BTBD9: variants seen among roughly 807,000 people sequenced by gnomAD.
The protein encoded by BTBD9 is BTB domain containing 9.
BTBD9 carries 49 observed loss-of-function variants against 64.3 expected under a neutral mutation model. That is an observed-to-expected ratio of 0.76 (90% confidence interval 0.61 to 0.97). The LOEUF is 0.97. BTBD9 is among the 50% of genes least tolerant of loss of function. The pLI is 0.00. For missense variants in BTBD9, 598 were observed against 762.1 expected, an observed-to-expected ratio of 0.78 and a Z score of 2.53; for synonymous variants, 260 against 274.7, an observed-to-expected ratio of 0.95 and a Z score of 0.53.
At chr6:38,633,773 A>T (rs1260967218) in intron 1 of BTBD9, among the ~76,000 whole-genome samples, 2 of 152,010 alleles carry the variant, frequency 1.3e-5, no homozygotes, top group Non-Finnish European at 2.9e-5. Context: ...CTCCTCTATC[A>T]AATTACAAAT....
In BTBD9 at chr6:38,256,436, A is replaced by G. The variant is rs866325807; in HGVS notation, c.1535T>C (p.Val512Ala). The G allele has an allele frequency of 6.2e-7, 1 of 1,613,862 alleles. No individual in the cohort carries two copies. The highest frequency in any genetic ancestry group is 1.7e-5 in the Admixed American group (1 of 60,010). ...VSTNQQQWTM[V>A]ADRTKVSCKS... ...GCAGGAGACTTTAGTTCTGTCAGCA[A>G]CCATGGTCCACTGTTGCTGGTTGGT... Residue 512 changes from valine to alanine, a missense_variant, in exon 9 of 11, where the codon GTT (valine) becomes GCT (alanine). Physicochemically the swap from Val to Ala is moderately conservative, Grantham distance 64. Transcript: ENST00000481247.
intron 6 of BTBD9, among the ~76,000 whole-genome samples, chr6:38,455,513 GTATGTAGCCTTTTGAATCT>G (rs1368201006): frequency 1.3e-5 from 2 of 152,154 alleles, no homozygotes; most frequent in Admixed American, 6.6e-5. Context: ...GAATCATACA[GTATGTAGCCTTTTGAATCT>G]TGCTTTTTTC....
At chr6:38,508,899 C>T (rs536862496) in intron 6 of BTBD9, among the ~76,000 whole-genome samples, 1 of 152,300 alleles carries the variant, frequency 6.6e-6, no homozygotes, top group East Asian at 1.9e-4. Flanking sequence ...CTAAGCTAGG[C>T]AATCCTCTTC....
rs745631417 is a variant in BTBD9, at chr6:38,388,322, ATTTG to A, written c.1155-43233_1155-43230del. ...TGTTGGTAACTATGGCCCCTCTCCT[ATTTG>A]ACTTGTACAGTAACAGCAGCATTAG... On this transcript the variant is annotated intron_variant, in intron 6 of 10. Coordinates refer to ENST00000481247, the MANE Select transcript of BTBD9 (RefSeq NM_001099272.2). 2.8e-3 allele frequency among the ~76,000 whole-genome samples: 421 copies of A among 151,876 alleles called. 3 individuals carry two copies. The highest frequency in any genetic ancestry group is 3.3e-3 in the Non-Finnish European group (227 of 67,980).
In BTBD9 at chr6:38,170,591, G is replaced by A. The variant is rs950398557; in HGVS notation, c.*4394C>T. Reference sequence around the variant, plus strand: ...CAGGTATGACTGGATCCGTGTCAGCGAGAGAGATGGGGGCATTCCAGTTGT... The same window carrying A: ...CAGGTATGACTGGATCCGTGTCAGCAAGAGAGATGGGGGCATTCCAGTTGT... On this transcript the variant is annotated 3_prime_UTR_variant, in exon 11 of 11. Coordinates refer to ENST00000481247, the MANE Select transcript of BTBD9 (RefSeq NM_001099272.2). The A allele has an allele frequency of 3.3e-5, 5 of 152,240 alleles. No individual in the cohort carries two copies. Among genetic ancestry groups the A allele is most frequent in the Admixed American group, 6.5e-5 (1 of 15,282 alleles). The allele number at this position is 152,240 out of a possible 1,614,324, so 9.4% of individuals were successfully genotyped here. A position where few individuals can be genotyped will look rare whatever the true frequency, so the allele number is the denominator to read the frequency against.
chr6:38,527,321 C>A, intron 6 of BTBD9, among the ~76,000 whole-genome samples: 1 of 137,336 alleles, frequency 7.3e-6, no homozygotes. Context: ...GGGGCCAGGG[C>A]AGAATGATAT....
chr6:38,580,156 T>C, intron 5 of BTBD9, 62 bp downstream of exon 5: 1 of 1,485,940 alleles, frequency 6.7e-7, no homozygotes, highest in African/African-American at 1.4e-5. Context: ...CAAAAGTAGA[T>C]GACCACAAAG....
At chr6:38,231,044 T>A (rs1450275240) in intron 9 of BTBD9, among the ~76,000 whole-genome samples, 1 of 152,172 alleles carries the variant, frequency 6.6e-6, no homozygotes, top group African/African-American at 2.4e-5. Context: ...AAGTGCTCAA[T>A]TATTATTTGT....
chr6:38,334,453 G>A (rs1382416391), intron 7 of BTBD9, among the ~76,000 whole-genome samples: 1 of 152,006 alleles, frequency 6.6e-6, no homozygotes, highest in Non-Finnish European at 1.5e-5. Flanking sequence ...TCAGCTACTC[G>A]GGAGGCTGAG....
chr6:38,491,888 T>C (rs1033356108), intron 6 of BTBD9, among the ~76,000 whole-genome samples: 8 of 152,198 alleles, frequency 5.3e-5, no homozygotes, highest in Non-Finnish European at 2.9e-5. Context: ...TCACTTCCAA[T>C]ACTTAATTTT....
At position 38,594,230 on chromosome 6, in the gene BTBD9, T is replaced by A. The variant is rs1354331656; in HGVS notation, c.283A>T (p.Ile95Phe). The part of the protein sequence containing the change: ...AEAFTMLLKY[I>F]YTGRATLTDE... ...GTCAGCGTTGCCCGCCCAGTGTAGATATATTTGAGTAGCATTGTGAATGCT... is the reference window on the plus strand; with the variant it reads ...GTCAGCGTTGCCCGCCCAGTGTAGAAATATTTGAGTAGCATTGTGAATGCT... Residue 95 changes from isoleucine to phenylalanine, a missense_variant, in exon 3 of 11, where the codon ATC becomes TTC. Transcript: ENST00000481247. 1 of 1,614,100 alleles carries A rather than the reference T, an allele frequency of 6.2e-7. No homozygotes were observed. The highest frequency in any genetic ancestry group is 1.3e-5 in the African/African-American group (1 of 74,950).
At chr6:38,630,394 C>T (rs1021741318) in intron 1 of BTBD9, among the ~76,000 whole-genome samples, 6 of 152,042 alleles carry the variant, frequency 3.9e-5, no homozygotes, top group Non-Finnish European at 8.8e-5. Flanking sequence ...TTAGCTACAA[C>T]GATAGTATTT....
At chr6:38,220,397 T>C (rs1027225568) in intron 9 of BTBD9, among the ~76,000 whole-genome samples, 6 of 152,278 alleles carry the variant, frequency 3.9e-5, no homozygotes, top group African/African-American at 1.4e-4. Context: ...AAGTAGCTTG[T>C]ACTTGAAATA....
At chr6:38,391,603 T>C (rs1441570080) in intron 6 of BTBD9, among the ~76,000 whole-genome samples, 2 of 151,732 alleles carry the variant, frequency 1.3e-5, no homozygotes, top group Non-Finnish European at 2.9e-5. Context: ...ACCAGAGTGG[T>C]TGTTTCTGAA....
chr6:38,434,469 T>C (rs904654140), intron 6 of BTBD9, among the ~76,000 whole-genome samples: 2 of 151,952 alleles, frequency 1.3e-5, no homozygotes, highest in South Asian at 4.1e-4. Context: ...CTTTGAGTTG[T>C]CCCACCTTTC....
intron 10 of BTBD9, chr6:38,179,943 T>A (rs901999131): frequency 1.3e-4 from 52 of 412,006 alleles, no homozygotes; most frequent in Non-Finnish European, 2.1e-4. Flanking sequence ...CACATAAAGA[T>A]CTGGGCCTTG....
At chr6:38,595,659 G>A (rs923195013) in intron 2 of BTBD9, 2 of 440,810 alleles carry the variant, frequency 4.5e-6, no homozygotes, top group Middle Eastern at 1.2e-3. Flanking sequence ...AGCATTTCAG[G>A]TTTACCTACC....
At chr6:38,262,433 C>T (rs1387277541) in intron 8 of BTBD9, among the ~76,000 whole-genome samples, 2 of 150,984 alleles carry the variant, frequency 1.3e-5, no homozygotes, top group Non-Finnish European at 2.9e-5. Context: ...CCCTTATTCT[C>T]ATTGTGCAGT....
chr6:38,309,828 C>A (rs73422823), intron 7 of BTBD9, among the ~76,000 whole-genome samples: 4,474 of 151,456 alleles, frequency 0.03, 210 homozygotes, highest in African/African-American at 0.1. Context: ...TAAAATGCAT[C>A]AATAACTATA....
Sources: allele counts gnomAD v4.1 joint callset (sites outside exome capture counted in the v4.1 genomes callset), GRCh38; gene constraint gnomAD v4.1.1; transcripts MANE v1.5; gene names NCBI Gene and HGNC (gene_info 2026-07-23, HGNC 2026-07-21).